Variants in TMEFF1 observed in about 807,000 individuals in gnomAD.
TMEFF1 encodes the protein tomoregulin-1.
Under a neutral mutation model 47.5 loss-of-function variants are expected in TMEFF1, and 20 were observed. That is an observed-to-expected ratio of 0.42 (90% CI 0.30 to 0.61). TMEFF1 has a LOEUF of 0.61. Among genes scored for constraint, TMEFF1 ranks in the 20% least tolerant of loss-of-function variants. The pLI is 0.19. For missense variants in TMEFF1, 411 were observed against 471.1 expected, an observed-to-expected ratio of 0.87 and a Z score of 1.18; for synonymous variants, 162 against 166.3, an observed-to-expected ratio of 0.97 and a Z score of 0.20.
intron 5 of TMEFF1, among the ~76,000 whole-genome samples, chr9:100,531,840 A>C (rs989309713): frequency 6.6e-6 from 1 of 152,164 alleles, no homozygotes; most frequent in African/African-American, 2.4e-5. Context: ...ACTTCAAACT[A>C]TACTACAAGG....
At chr9:100,531,452 CAGAG>C (rs1446753973) in intron 5 of TMEFF1, among the ~76,000 whole-genome samples, 1 of 152,186 alleles carries the variant, frequency 6.6e-6, no homozygotes, top group South Asian at 2.1e-4. Flanking sequence ...AACAGACAAA[CAGAG>C]AGCCAAATCA....
At chr9:100,567,304 T>G (rs1839143126) in intron 8 of TMEFF1, among the ~76,000 whole-genome samples, 1 of 152,146 alleles carries the variant, frequency 6.6e-6, no homozygotes, top group Non-Finnish European at 1.5e-5. Flanking sequence ...CTCCTTCAAG[T>G]CTTTACTCAC....
intron 8 of TMEFF1, among the ~76,000 whole-genome samples, chr9:100,567,800 G>T (rs1839152622): frequency 6.6e-6 from 1 of 152,136 alleles, no homozygotes; most frequent in African/African-American, 2.4e-5. Flanking sequence ...TGCTAATAAA[G>T]ACATACCCAA....
Position 100,473,588 on chromosome 9 carries a change from C to G in TMEFF1, c.44C>G (p.Ala15Gly). Residue 15 changes from alanine to glycine, a missense_variant, in exon 1 of 10, where the codon GCG (alanine) becomes GGG (glycine). Ala to Gly is a moderately conservative substitution (Grantham distance 60). Coordinates refer to ENST00000374879, the MANE Select transcript of TMEFF1 (RefSeq NM_003692.5). The surrounding 1 kb of genome is among the most constrained non-coding windows in gnomAD (Gnocchi z 5.4). Reference protein sequence around the residue: ...AAEAPLRLPAAPPLAFCCYTS... With the variant: ...AAEAPLRLPAGPPLAFCCYTS... ...GAGGCGCCGCTCCGGCTGCCTGCCG[C>G]GCCTCCGCTCGCCTTCTGCTGCTAC... 6.5e-7 allele frequency: 1 copy of G among 1,549,506 alleles called. No homozygotes were observed. The highest frequency in any genetic ancestry group is 8.7e-7 in the Non-Finnish European group (1 of 1,149,366).
chr9:100,489,923 T>C (rs1837518240), intron 1 of TMEFF1, among the ~76,000 whole-genome samples: 1 of 152,186 alleles, frequency 6.6e-6, no homozygotes, highest in Non-Finnish European at 1.5e-5. Context: ...ACTTAACCAC[T>C]CAACTCTGTA....
chr9:100,499,144 T>G (rs530961024), intron 2 of TMEFF1, among the ~76,000 whole-genome samples: 165 of 152,338 alleles, frequency 1.1e-3, no homozygotes, highest in Non-Finnish European at 1.8e-3. Flanking sequence ...TAATTGTCAC[T>G]GAAAGGAAAG....
At chr9:100,488,333 A>G (rs1837488365) in intron 1 of TMEFF1, among the ~76,000 whole-genome samples, 1 of 152,214 alleles carries the variant, frequency 6.6e-6, no homozygotes, top group Non-Finnish European at 1.5e-5. Context: ...AAAGATAGAC[A>G]TTTAGATTGT....
intron 1 of TMEFF1, among the ~76,000 whole-genome samples, chr9:100,475,932 G>A (rs10989103): frequency 0.044 from 6,639 of 152,080 alleles, 321 homozygotes; most frequent in South Asian, 0.22. Context: ...TGGGTGACAT[G>A]CAGTGTGGGA....
chr9:100,557,900 G>A (rs186523272), intron 7 of TMEFF1, among the ~76,000 whole-genome samples: 3 of 150,876 alleles, frequency 2.0e-5, no homozygotes, highest in East Asian at 2.0e-4. Flanking sequence ...TAGTATGTAC[G>A]TTTAATGGGA....
chr9:100,568,638 A>G (rs1839171668), intron 8 of TMEFF1, among the ~76,000 whole-genome samples: 1 of 151,584 alleles, frequency 6.6e-6, no homozygotes, highest in Non-Finnish European at 1.5e-5. Flanking sequence ...ATATGCACAG[A>G]GTTGTGCAAC....
chr9:100,541,004 G>T (rs1033843470), intron 5 of TMEFF1, among the ~76,000 whole-genome samples: 3 of 151,966 alleles, frequency 2.0e-5, no homozygotes, highest in Admixed American at 6.6e-5. Context: ...TTTGTAACTT[G>T]TCTTCTTATT....
At chr9:100,488,611 G>A (rs1837494032) in intron 1 of TMEFF1, among the ~76,000 whole-genome samples, 1 of 152,132 alleles carries the variant, frequency 6.6e-6, no homozygotes, top group South Asian at 2.1e-4. Flanking sequence ...TACTTATTAT[G>A]TGTATTATTA....
intron 5 of TMEFF1, among the ~76,000 whole-genome samples, chr9:100,540,049 A>G (rs1258913020): frequency 1.3e-5 from 2 of 152,206 alleles, no homozygotes; most frequent in African/African-American, 4.8e-5. Context: ...AGCTAGACAC[A>G]GAGTGCTGAT....
At chr9:100,533,493 T>G (rs1838441088) in intron 5 of TMEFF1, among the ~76,000 whole-genome samples, 3 of 152,222 alleles carry the variant, frequency 2.0e-5, no homozygotes. Flanking sequence ...TTACTGATAC[T>G]GCTTTTTATC....
At chr9:100,514,427 CTTAGAGCTGGAACAGATT>C (rs1838025554) in intron 4 of TMEFF1, among the ~76,000 whole-genome samples, 2 of 151,998 alleles carry the variant, frequency 1.3e-5, no homozygotes, top group South Asian at 2.1e-4. Context: ...AATTCCAGAT[CTTAGAGCTGGAACAGATT>C]TTAGGCGATC....
At chr9:100,531,474 G>A (rs28863296) in intron 5 of TMEFF1, among the ~76,000 whole-genome samples, 4,077 of 151,746 alleles carry the variant, frequency 0.027, 70 homozygotes, top group Middle Eastern at 0.034. Context: ...TCATGAGTGA[G>A]CTCCCATTCA....
intron 1 of TMEFF1, 64 bp from the exon 2 acceptor site, chr9:100,498,701 G>A (rs953078077): frequency 2.2e-5 from 32 of 1,480,056 alleles, no homozygotes; most frequent in Middle Eastern, 1.7e-4. Flanking sequence ...ACACACACGC[G>A]CACAGACACA....
At chr9:100,560,776 G>T (rs1245498506) in intron 7 of TMEFF1, among the ~76,000 whole-genome samples, 1 of 151,994 alleles carries the variant, frequency 6.6e-6, no homozygotes, top group Non-Finnish European at 1.5e-5. Context: ...AGGTTATTTT[G>T]AATTTCTTTT....
At chr9:100,521,075 GAAAC>G (rs1838152250) in intron 5 of TMEFF1, among the ~76,000 whole-genome samples, 1 of 152,258 alleles carries the variant, frequency 6.6e-6, no homozygotes, top group African/African-American at 2.4e-5. Flanking sequence ...CCTGGAATAG[GAAAC>G]AAACACTCGC....
Sources: allele counts gnomAD v4.1 joint callset (sites outside exome capture counted in the v4.1 genomes callset), GRCh38; gene constraint gnomAD v4.1.1; non-coding constraint Gnocchi (gnomAD v3.1); transcripts MANE v1.5; gene names NCBI Gene and HGNC (gene_info 2026-07-23, HGNC 2026-07-21).